COL19A1: variants seen among roughly 807,000 people sequenced by gnomAD.
COL19A1 encodes collagen alpha-1(XIX) chain.
Under a neutral mutation model 190.2 loss-of-function variants are expected in COL19A1, and 159 were observed. That is an observed-to-expected ratio of 0.84 (90% CI 0.73 to 0.95). The LOEUF is 0.95. COL19A1 is among the 40% of genes least tolerant of loss of function. The probability of loss-of-function intolerance (pLI) is 0.00; values close to 1 mark genes in which losing one functional copy is unlikely to be tolerated. For missense variants in COL19A1, 1,418 were observed against 1,431.9 expected, an observed-to-expected ratio of 0.99 and a Z score of 0.16; for synonymous variants, 509 against 458.9, an observed-to-expected ratio of 1.11 and a Z score of -1.39.
intron 4 of COL19A1, among the ~76,000 whole-genome samples, chr6:69,920,196 G>C (rs1359486870): frequency 6.6e-6 from 1 of 152,108 alleles, no homozygotes; most frequent in Non-Finnish European, 1.5e-5. Context: ...AGATTTTTAT[G>C]AAATAAATGT....
At chr6:69,877,643 ATATAAT>A (rs1202143992) in intron 1 of COL19A1, among the ~76,000 whole-genome samples, 5 of 152,130 alleles carry the variant, frequency 3.3e-5, no homozygotes, top group African/African-American at 7.2e-5. Context: ...CTTGTGAATA[ATATAAT>A]TATATTTTAA....
intron 1 of COL19A1, among the ~76,000 whole-genome samples, chr6:69,868,481 A>T (rs1767620793): frequency 6.6e-6 from 1 of 152,100 alleles, no homozygotes; most frequent in African/African-American, 2.4e-5. Context: ...TCTAGGGGAT[A>T]GAAAGTGGAG....
chr6:70,175,742 C>A (rs1211821514), intron 41 of COL19A1, among the ~76,000 whole-genome samples: 1 of 152,040 alleles, frequency 6.6e-6, no homozygotes, highest in Non-Finnish European at 1.5e-5. Flanking sequence ...ATCATTTGAT[C>A]ACACTGCAAT....
At chr6:69,963,852 A>C (rs954689118) in intron 11 of COL19A1, among the ~76,000 whole-genome samples, 2 of 152,266 alleles carry the variant, frequency 1.3e-5, no homozygotes, top group African/African-American at 4.8e-5. Flanking sequence ...GAAAATACTT[A>C]AGCAATCATT....
At chr6:70,125,070 CACCTA>C (rs893965516) in intron 17 of COL19A1, among the ~76,000 whole-genome samples, 1 of 150,234 alleles carries the variant, frequency 6.7e-6, no homozygotes, top group Non-Finnish European at 1.5e-5. Context: ...TTGTCTCCAC[CACCTA>C]CCCCTGTCTG....
chr6:70,165,813 C>G (rs1765113184), intron 36 of COL19A1, 128 bp from the exon 37 acceptor site: 1 of 858,754 alleles, frequency 1.2e-6, no homozygotes. Flanking sequence ...AATAAGACTA[C>G]AAGGCTGAAA....
chr6:70,115,830 T>TTTG (rs1784539135), intron 16 of COL19A1, among the ~76,000 whole-genome samples: 1 of 139,066 alleles, frequency 7.2e-6, no homozygotes, highest in Non-Finnish European at 1.6e-5. Context: ...GTTTTGTTTT[T>TTTG]TTTTTTTTTT....
chr6:70,194,654 C>G (rs901906571), intron 48 of COL19A1, among the ~76,000 whole-genome samples: 6 of 152,192 alleles, frequency 3.9e-5, no homozygotes, highest in Non-Finnish European at 8.8e-5. Flanking sequence ...GCCAGTGATG[C>G]TGCCCACACA....
intron 8 of COL19A1, among the ~76,000 whole-genome samples, chr6:69,937,479 C>G (rs1407589931): frequency 6.6e-6 from 1 of 152,020 alleles, no homozygotes; most frequent in Non-Finnish European, 1.5e-5. Context: ...TATGAACTTC[C>G]TTTATGGATG....
intron 31 of COL19A1, among the ~76,000 whole-genome samples, chr6:70,152,896 G>A (rs1787160816): frequency 6.6e-6 from 1 of 152,070 alleles, no homozygotes; most frequent in South Asian, 2.1e-4. Flanking sequence ...GTAGAATATG[G>A]GATCTCACAG....
Position 70,211,168 on chromosome 6 carries a change from A to G in COL19A1, c.*3894A>G, listed in dbSNP as rs1364303822. Among the ~76,000 whole-genome samples the G allele has an allele frequency of 6.6e-6, 1 of 152,098 alleles. No individual in the cohort carries two copies. The highest frequency in any genetic ancestry group is 1.9e-4 in the East Asian group (1 of 5,194). ...AAAATTTTACAGTTATATTTGTATA[A>G]CGTTTATATTTTTCTAGAATACATC... On this transcript the variant is annotated 3_prime_UTR_variant, in exon 51 of 51. Transcript: ENST00000620364.
Position 69,921,356 on chromosome 6 carries a change from AATCATATAT to A in COL19A1, c.267-6516_267-6508del, listed in dbSNP as rs1187631426. On this transcript the variant is annotated intron_variant, in intron 4 of 50. Transcript: ENST00000620364. ...TATATCTATATATATCATATATCAT[AATCATATAT>A]ATCATATATATCATATATATCATAT... Among the ~76,000 whole-genome samples the A allele has an allele frequency of 3.2e-3, 285 of 90,354 alleles. 2 individuals carry two copies. Among genetic ancestry groups the A allele is most frequent in the South Asian group, 4.8e-3 (14 of 2,922 alleles). The allele number at this position is 90,354 out of a possible 152,430, so 59.3% of individuals were successfully genotyped here. A position where few individuals can be genotyped will look rare whatever the true frequency, so the allele number is the denominator to read the frequency against.
chr6:70,111,133 G>C (rs1269971158), intron 16 of COL19A1, among the ~76,000 whole-genome samples: 3 of 152,144 alleles, frequency 2.0e-5, no homozygotes, highest in Non-Finnish European at 4.4e-5. Context: ...TCTCCATACT[G>C]TATGTAATTT....
At chr6:69,968,678 G>A (rs1775255732) in intron 11 of COL19A1, among the ~76,000 whole-genome samples, 2 of 152,092 alleles carry the variant, frequency 1.3e-5, no homozygotes, top group African/African-American at 4.8e-5. Flanking sequence ...TTTTACTTTT[G>A]TCAATTTCTC....
intron 46 of COL19A1, among the ~76,000 whole-genome samples, chr6:70,186,623 T>G (rs6908735): frequency 0.37 from 55,653 of 151,968 alleles, 10,341 homozygotes; most frequent in Middle Eastern, 0.48. Flanking sequence ...ACTTCAAGCA[T>G]CATTCCGTCA....
chr6:70,068,272 T>C (rs183339698), intron 14 of COL19A1, 151 bp from the exon 15 acceptor site: 5 of 592,062 alleles, frequency 8.4e-6, no homozygotes, highest in Admixed American at 3.1e-5. Context: ...TTCATCATTA[T>C]TAATATATTA....
At chr6:70,067,849 A>G (rs988305930) in intron 14 of COL19A1, among the ~76,000 whole-genome samples, 1 of 152,016 alleles carries the variant, frequency 6.6e-6, no homozygotes, top group African/African-American at 2.4e-5. Context: ...TCAGATTAAT[A>G]CCTGGGATTT....
chr6:70,162,285 T>A (rs1022429212), intron 35 of COL19A1, among the ~76,000 whole-genome samples: 2 of 148,520 alleles, frequency 1.3e-5, no homozygotes, highest in African/African-American at 5.0e-5. Context: ...GATAGTCAAA[T>A]GGCACCACAA....
intron 48 of COL19A1, among the ~76,000 whole-genome samples, chr6:70,198,109 A>G (rs1347015931): frequency 1.3e-5 from 2 of 152,226 alleles, no homozygotes; most frequent in African/African-American, 4.8e-5. Flanking sequence ...CAATTCAACT[A>G]AATCAACTAA....
Sources: gnomAD v4.1 joint callset for allele counts (sites outside exome capture counted in the v4.1 genomes callset) on GRCh38, gnomAD v4.1.1 for gene constraint, MANE v1.5 for transcripts, NCBI Gene and HGNC (gene_info 2026-07-23, HGNC 2026-07-21) for gene names.